The following BTBD9 variants were observed in gnomAD, a reference collection of about 807,000 sequenced individuals.
The protein encoded by BTBD9 is BTB domain containing 9.
A neutral mutation model predicts 64.3 loss-of-function variants in BTBD9; 49 were observed. The ratio of observed to expected loss-of-function variants is 0.76; its 90% confidence interval spans 0.61 to 0.97. The LOEUF (loss-of-function observed/expected upper bound fraction) is 0.97. BTBD9 is among the 50% of genes least tolerant of loss of function. The probability of loss-of-function intolerance (pLI) is 0.00; values close to 1 mark genes in which losing one functional copy is unlikely to be tolerated. For missense variants in BTBD9, 598 were observed against 762.1 expected (o/e 0.78, Z 2.53); for synonymous variants, 260 against 274.7 (o/e 0.95, Z 0.53).
At chr6:38,626,469 G>GC (rs1002177600) in intron 1 of BTBD9, among the ~76,000 whole-genome samples, 2 of 152,090 alleles carry the variant, frequency 1.3e-5, no homozygotes, top group Non-Finnish European at 2.9e-5. Flanking sequence ...TAGACTACAA[G>GC]TTTTTTTGTG....
At chr6:38,192,635 G>A (rs772706630) in intron 9 of BTBD9, 38 bp from the exon 10 acceptor site, 2 of 1,569,048 alleles carry the variant, frequency 1.3e-6, no homozygotes, top group South Asian at 1.1e-5. Context: ...ATTAGATGGT[G>A]CAGTTGACTC....
chr6:38,206,300 C>T (rs1762648409), intron 9 of BTBD9, among the ~76,000 whole-genome samples: 1 of 151,648 alleles, frequency 6.6e-6, no homozygotes, highest in Non-Finnish European at 1.5e-5. Context: ...ACTGCAACCT[C>T]GCCTCCCAGC....
intron 6 of BTBD9, among the ~76,000 whole-genome samples, chr6:38,495,668 C>G (rs560711056): frequency 4.1e-4 from 62 of 150,234 alleles, no homozygotes; most frequent in African/African-American, 1.3e-3. Flanking sequence ...GAACTCTATA[C>G]AGCAGTTAGA....
At chr6:38,508,807 C>T (rs1372416777) in intron 6 of BTBD9, among the ~76,000 whole-genome samples, 1 of 152,152 alleles carries the variant, frequency 6.6e-6, no homozygotes, top group Non-Finnish European at 1.5e-5. Context: ...ACATGTTATT[C>T]CCCCAAATCC....
intron 7 of BTBD9, among the ~76,000 whole-genome samples, chr6:38,338,367 T>C (rs1484634138): frequency 6.6e-6 from 1 of 152,154 alleles, no homozygotes; most frequent in East Asian, 1.9e-4. Context: ...CCATTTAATA[T>C]TTTTGGACCA....
chr6:38,234,452 G>C (rs888792363), intron 9 of BTBD9, among the ~76,000 whole-genome samples: 6 of 152,196 alleles, frequency 3.9e-5, no homozygotes, highest in African/African-American at 1.2e-4. Flanking sequence ...ACATGGAAGA[G>C]TTGAATGCTC....
At chr6:38,471,503 T>C (rs1275200394) in intron 6 of BTBD9, among the ~76,000 whole-genome samples, 1 of 152,142 alleles carries the variant, frequency 6.6e-6, no homozygotes, top group Non-Finnish European at 1.5e-5. Context: ...TCAGAATAAA[T>C]ATAGGTAACA....
chr6:38,265,291 T>C (rs1261105797), intron 8 of BTBD9, among the ~76,000 whole-genome samples: 1 of 152,112 alleles, frequency 6.6e-6, no homozygotes, highest in African/African-American at 2.4e-5. Context: ...AAGGAGGGAT[T>C]TTCTTTCTCA....
chr6:38,224,223 A>G (rs1763311463), intron 9 of BTBD9, among the ~76,000 whole-genome samples: 1 of 152,106 alleles, frequency 6.6e-6, no homozygotes, highest in African/African-American at 2.4e-5. Context: ...AAAAGAAAAA[A>G]AAAACTTATG....
chr6:38,187,619 A>C (rs1178567614), intron 10 of BTBD9, among the ~76,000 whole-genome samples: 2 of 152,090 alleles, frequency 1.3e-5, no homozygotes, highest in Non-Finnish European at 2.9e-5. Flanking sequence ...AGGACGACAG[A>C]AGCACACAGT....
intron 7 of BTBD9, among the ~76,000 whole-genome samples, chr6:38,337,314 G>A (rs997460403): frequency 1.3e-5 from 2 of 152,128 alleles, no homozygotes; most frequent in Non-Finnish European, 2.9e-5. Flanking sequence ...TTCCAACTCT[G>A]TTTACTTTCC....
intron 7 of BTBD9, among the ~76,000 whole-genome samples, chr6:38,336,745 C>T (rs1028638520): frequency 7.9e-5 from 12 of 152,158 alleles, no homozygotes; most frequent in African/African-American, 2.7e-4. Flanking sequence ...CTGGTTAGTG[C>T]CCCCTGTTCA....
At chr6:38,501,980 G>A (rs1348404326) in intron 6 of BTBD9, among the ~76,000 whole-genome samples, 1 of 152,118 alleles carries the variant, frequency 6.6e-6, no homozygotes, top group Non-Finnish European at 1.5e-5. Flanking sequence ...CAATTTTTAA[G>A]AGAATAAAGG....
At chr6:38,399,918 A>AT (rs562182320) in intron 6 of BTBD9, among the ~76,000 whole-genome samples, 12,289 of 140,640 alleles carry the variant, frequency 0.087, 597 homozygotes, top group South Asian at 0.14. Context: ...TGCCCAGCTA[A>AT]TTTTTTTTTT....
At chr6:38,304,656 C>T (rs1268366903) in intron 7 of BTBD9, among the ~76,000 whole-genome samples, 1 of 152,124 alleles carries the variant, frequency 6.6e-6, no homozygotes, top group Non-Finnish European at 1.5e-5. Flanking sequence ...GGCCCAGACT[C>T]CTGGGCTCAA....
chr6:38,223,360 G>T (rs1763281843), intron 9 of BTBD9, among the ~76,000 whole-genome samples: 1 of 152,060 alleles, frequency 6.6e-6, no homozygotes, highest in African/African-American at 2.4e-5. Flanking sequence ...TTAGAGACAG[G>T]ATCTCACTCT....
chr6:38,424,070 G>A (rs1349073978), intron 6 of BTBD9, among the ~76,000 whole-genome samples: 1 of 151,774 alleles, frequency 6.6e-6, no homozygotes, highest in African/African-American at 2.4e-5. Flanking sequence ...AGGTACCCAG[G>A]ATAAACTAAA....
chr6:38,217,393 A>G (rs1157293465), intron 9 of BTBD9, among the ~76,000 whole-genome samples: 1 of 151,362 alleles, frequency 6.6e-6, no homozygotes, highest in Non-Finnish European at 1.5e-5. Context: ...ATCAGGTAGA[A>G]GGTGGCAAAG....
chr6:38,176,946 A>C (rs1581996334), intron 10 of BTBD9, among the ~76,000 whole-genome samples: 1 of 151,370 alleles, frequency 6.6e-6, no homozygotes, highest in African/African-American at 2.4e-5. Context: ...GGTCCTCAAC[A>C]CCCCCCCCAC....
Sources: allele counts gnomAD v4.1 joint callset (sites outside exome capture counted in the v4.1 genomes callset), GRCh38; gene constraint gnomAD v4.1.1; transcripts MANE v1.5; gene names NCBI Gene and HGNC (gene_info 2026-07-23, HGNC 2026-07-21).